Variants in SGK3 observed in about 807,000 individuals in gnomAD.
The protein encoded by SGK3 is serum/glucocorticoid regulated kinase family member 3.
Under a neutral mutation model 68.5 loss-of-function variants are expected in SGK3, and 47 were observed. That is an observed-to-expected ratio of 0.69 (90% confidence interval 0.54 to 0.87). The LOEUF (loss-of-function observed/expected upper bound fraction) is 0.87. Ranked by LOEUF, SGK3 falls within the 40% of genes least tolerant of loss-of-function variation. The pLI is 0.00. For synonymous variants in SGK3, 181 were observed against 189.1 expected, an observed-to-expected ratio of 0.96 and a Z score of 0.35; for missense variants, 479 against 575.5, an observed-to-expected ratio of 0.83 and a Z score of 1.72.
intron 1 of SGK3, among the ~76,000 whole-genome samples, chr8:66,726,077 C>T (rs1448981096): frequency 1.3e-5 from 2 of 152,202 alleles, no homozygotes; most frequent in East Asian, 3.9e-4. Flanking sequence ...AAGTTGTACA[C>T]GCTAAGCCAA....
intron 12 of SGK3, 87 bp from the exon 13 acceptor site, chr8:66,840,935 CTG>C (rs1292117498): frequency 2.2e-6 from 2 of 919,958 alleles, no homozygotes; most frequent in African/African-American, 3.6e-5. Context: ...GAGTAAGACT[CTG>C]TTTCAAAAAA....
intron 4 of SGK3, among the ~76,000 whole-genome samples, chr8:66,811,384 G>A (rs1322456977): frequency 6.6e-6 from 1 of 152,016 alleles, no homozygotes; most frequent in Non-Finnish European, 1.5e-5. Flanking sequence ...CTTCTTCATT[G>A]GAGAGATTTT....
chr8:66,761,628 G>A (rs543118910), intron 1 of SGK3, among the ~76,000 whole-genome samples: 32 of 152,262 alleles, frequency 2.1e-4, no homozygotes, highest in Admixed American at 9.8e-4. Context: ...AGTTAGCTGA[G>A]TGTGGTGATG....
chr8:66,843,805 G>A, intron 14 of SGK3, among the ~76,000 whole-genome samples: 1 of 152,122 alleles, frequency 6.6e-6, no homozygotes, highest in Admixed American at 6.6e-5. Context: ...ACCAGCCTAT[G>A]CAACGTGGCG....
chr8:66,789,544 T>C (rs1807350866), intron 1 of SGK3, among the ~76,000 whole-genome samples: 1 of 152,242 alleles, frequency 6.6e-6, no homozygotes, highest in South Asian at 2.1e-4. Context: ...ATGGTCCTAT[T>C]GGACCCACTG....
intron 8 of SGK3, among the ~76,000 whole-genome samples, chr8:66,833,815 C>A (rs559754413): frequency 9.8e-4 from 150 of 152,360 alleles, no homozygotes; most frequent in African/African-American, 3.3e-3. Context: ...CCTCAGCCTC[C>A]CCAGTAGTTG....
chr8:66,823,867 CTA>C (rs1046314844), intron 6 of SGK3, among the ~76,000 whole-genome samples: 8 of 152,150 alleles, frequency 5.3e-5, no homozygotes, highest in African/African-American at 1.9e-4. Context: ...TGTTATATAA[CTA>C]TATCTACATA....
intron 1 of SGK3, among the ~76,000 whole-genome samples, chr8:66,758,076 G>A (rs181168228): frequency 5.5e-5 from 8 of 145,042 alleles, no homozygotes; most frequent in East Asian, 2.1e-4. Context: ...TTTTAAGGCC[G>A]GGCAAGGTGG....
chr8:66,822,729 C>T (rs1476711228), intron 6 of SGK3, among the ~76,000 whole-genome samples: 1 of 152,188 alleles, frequency 6.6e-6, no homozygotes, highest in Non-Finnish European at 1.5e-5. Context: ...AGCGATTCTC[C>T]TGCCTCAGCC....
chr8:66,795,631 C>T (rs1471536216), intron 2 of SGK3, among the ~76,000 whole-genome samples: 2 of 152,048 alleles, frequency 1.3e-5, no homozygotes, highest in Non-Finnish European at 2.9e-5. Context: ...AGGTTATTTC[C>T]ATGTCTTCTG....
chr8:66,734,228 CT>C (rs529741200), intron 1 of SGK3, among the ~76,000 whole-genome samples: 6,473 of 104,246 alleles, frequency 0.062, 139 homozygotes, highest in South Asian at 0.081. Flanking sequence ...CTTTTTCTTT[CT>C]TTTTTTTTTT....
chr8:66,844,442 G>GC (rs1395897275), intron 14 of SGK3, among the ~76,000 whole-genome samples: 18 of 152,180 alleles, frequency 1.2e-4, no homozygotes, highest in Admixed American at 3.9e-4. Context: ...GCTGGCCAGA[G>GC]CTTCTGATTA....
At chr8:66,842,992 G>A (rs1809857955) in intron 13 of SGK3, among the ~76,000 whole-genome samples, 1 of 152,118 alleles carries the variant, frequency 6.6e-6, no homozygotes, top group Admixed American at 6.5e-5. Context: ...TATCACCTGA[G>A]CCCAGGAAGT....
intron 16 of SGK3, among the ~76,000 whole-genome samples, chr8:66,854,999 A>C (rs1414354444): frequency 6.6e-6 from 1 of 152,084 alleles, no homozygotes; most frequent in East Asian, 1.9e-4. Flanking sequence ...CAACAACAAC[A>C]ACAAAAAGTG....
intron 1 of SGK3, among the ~76,000 whole-genome samples, chr8:66,776,764 A>G (rs977235867): frequency 3.9e-5 from 6 of 152,202 alleles, no homozygotes; most frequent in African/African-American, 1.4e-4. Flanking sequence ...ATGATTCATA[A>G]TCATTCTTCA....
chr8:66,849,731 TTACA>T (rs1810184972), intron 15 of SGK3, among the ~76,000 whole-genome samples: 2 of 151,794 alleles, frequency 1.3e-5, no homozygotes, highest in Admixed American at 1.3e-4. Flanking sequence ...AATAGCTGGA[TTACA>T]GGCATGTGCC....
chr8:66,760,697 C>G (rs1186939412), intron 1 of SGK3, among the ~76,000 whole-genome samples: 4 of 152,034 alleles, frequency 2.6e-5, no homozygotes, highest in Non-Finnish European at 4.4e-5. Context: ...CATCATTTGT[C>G]CGTCATCATT....
intron 13 of SGK3, among the ~76,000 whole-genome samples, chr8:66,842,884 CA>C (rs1809853192): frequency 6.6e-6 from 1 of 152,220 alleles, no homozygotes; most frequent in East Asian, 1.9e-4. Flanking sequence ...GCCTGGGCAA[CA>C]TGGCTAAACC....
intron 4 of SGK3, among the ~76,000 whole-genome samples, chr8:66,808,541 T>G (rs1808253208): frequency 6.6e-6 from 1 of 151,688 alleles, no homozygotes; most frequent in South Asian, 2.1e-4. Context: ...GAGATGGAGT[T>G]TCGCTCTCAT....
Sources: gnomAD v4.1 joint callset for allele counts (sites outside exome capture counted in the v4.1 genomes callset) on GRCh38, gnomAD v4.1.1 for gene constraint, MANE v1.5 for transcripts, NCBI Gene and HGNC (gene_info 2026-07-23, HGNC 2026-07-21) for gene names.